NETO2: variants seen among roughly 807,000 people sequenced by gnomAD.
The protein encoded by NETO2 is neuropilin and tolloid like 2.
A neutral mutation model predicts 62.5 loss-of-function variants in NETO2; 28 were observed. The ratio of observed to expected loss-of-function variants is 0.45; its 90% CI spans 0.33 to 0.61. The LOEUF is 0.61. Ranked by LOEUF, NETO2 falls within the 20% of genes least tolerant of loss-of-function variation. The pLI is 0.02. For synonymous variants in NETO2, 214 were observed against 219.1 expected (o/e 0.98, Z 0.21); for missense variants, 548 against 643.2 (o/e 0.85, Z 1.60).
chr16:47,093,288 TAAC>T (rs556182300), intron 7 of NETO2, among the ~76,000 whole-genome samples: 1 of 152,184 alleles, frequency 6.6e-6, no homozygotes, highest in Non-Finnish European at 1.5e-5. Flanking sequence ...CTGTCTAAAA[TAAC>T]AGCCTCAATG....
rs192659719 is a variant in NETO2 at position 47,100,622 on chromosome 16, T to C, written c.883+8861A>G. 4.0e-4 allele frequency among the ~76,000 whole-genome samples: 61 copies of C among 152,188 alleles called. No homozygotes were observed. The East Asian group carries it at 0.01, about 26-fold the overall frequency. ...ACAATAAAAAATGATAAAGGAGATA[T>C]AATCACTGATCCCACAGAAATAGAA... On this transcript the variant is annotated intron_variant, in intron 7 of 8. Transcript: ENST00000562435.
intron 4 of NETO2, among the ~76,000 whole-genome samples, chr16:47,126,941 C>T (rs1964169542): frequency 6.6e-6 from 1 of 152,160 alleles, no homozygotes; most frequent in Non-Finnish European, 1.5e-5. Context: ...AGGCAAACAT[C>T]TGTTTTTCAG....
chr16:47,118,331 G>C (rs1489570770), intron 6 of NETO2, among the ~76,000 whole-genome samples: 3 of 152,118 alleles, frequency 2.0e-5, no homozygotes, highest in African/African-American at 7.2e-5. Flanking sequence ...CGTTTCCCTG[G>C]ATCTGTTCCA....
In NETO2 at chr16:47,083,612, G is replaced by A; in HGVS notation, c.1187C>T (p.Pro396Leu). Residue 396 changes from proline to leucine, a missense_variant, in exon 9 of 9, where the codon CCT (proline) becomes CTT (leucine). Transcript: ENST00000562435. ...KTGFQEVFDP[P>L]HYELFSLRDK... Reference sequence around the variant, plus strand: ...CCTTAGTGAAAACAGTTCATAATGAGGAGGATCAAACACTTCTTGGAACCC... The same window carrying A: ...CCTTAGTGAAAACAGTTCATAATGAAGAGGATCAAACACTTCTTGGAACCC... 6.2e-7 allele frequency: 1 copy of A among 1,614,190 alleles called. No homozygotes were observed. The highest frequency in any genetic ancestry group is 8.5e-7 in the Non-Finnish European group (1 of 1,180,040).
chr16:47,109,640 A>G lies in NETO2; in HGVS notation c.726T>C (p.Tyr242=). ...NECKRNFVAV[Y]DGSSSIENLK... ...GGTTTTCAATAGAACTGCTTCCATC[A>G]TAGACTGCAACGAAGTTTCTCTTGC... The change falls in exon 7 of 9, where the codon TAT becomes TAC. Residue 242 remains tyrosine, a synonymous_variant. Coordinates refer to ENST00000562435, the MANE Select transcript of NETO2 (RefSeq NM_018092.5). The G allele has an allele frequency of 6.2e-7, 1 of 1,614,166 alleles. No homozygotes were observed. Among genetic ancestry groups the G allele is most frequent in the Non-Finnish European group, 8.5e-7 (1 of 1,180,012 alleles).
chr16:47,112,530 T>C (rs1342020162), intron 6 of NETO2, among the ~76,000 whole-genome samples: 1 of 152,188 alleles, frequency 6.6e-6, no homozygotes, highest in Non-Finnish European at 1.5e-5. Flanking sequence ...GGCTAATTTT[T>C]TGTATTTTTA....
At chr16:47,121,409 A>G (rs1448578618) in intron 6 of NETO2, among the ~76,000 whole-genome samples, 1 of 152,206 alleles carries the variant, frequency 6.6e-6, no homozygotes, top group Non-Finnish European at 1.5e-5. Flanking sequence ...TAATGCACCC[A>G]GGACCATTCT....
intron 6 of NETO2, among the ~76,000 whole-genome samples, chr16:47,118,691 C>T (rs1360214125): frequency 6.6e-6 from 1 of 152,222 alleles, no homozygotes; most frequent in African/African-American, 2.4e-5. Flanking sequence ...GTGTACCCAG[C>T]TTCCAACTTC....
At chr16:47,110,315 C>T (rs1338074088) in intron 6 of NETO2, among the ~76,000 whole-genome samples, 1 of 152,286 alleles carries the variant, frequency 6.6e-6, no homozygotes, top group East Asian at 1.9e-4. Context: ...GTCAACTGTA[C>T]TATCAAAGGA....
At chr16:47,104,217 G>A (rs962472547) in intron 7 of NETO2, among the ~76,000 whole-genome samples, 8 of 151,742 alleles carry the variant, frequency 5.3e-5, no homozygotes, top group Admixed American at 1.3e-4. Context: ...ACACAAATCC[G>A]TTGCATTTCT....
intron 7 of NETO2, among the ~76,000 whole-genome samples, chr16:47,104,338 T>C (rs1439467699): frequency 6.6e-6 from 1 of 152,162 alleles, no homozygotes; most frequent in Non-Finnish European, 1.5e-5. Context: ...GGCAAAACAT[T>C]TGTATGCTGA....
intron 1 of NETO2, among the ~76,000 whole-genome samples, chr16:47,135,511 T>G (rs1964348620): frequency 6.6e-6 from 1 of 152,234 alleles, no homozygotes; most frequent in South Asian, 2.1e-4. Context: ...CCACCATTTA[T>G]GATGTTACTC....
intron 7 of NETO2, among the ~76,000 whole-genome samples, chr16:47,105,601 G>A (rs1963657499): frequency 6.6e-6 from 1 of 152,006 alleles, no homozygotes; most frequent in Non-Finnish European, 1.5e-5. Flanking sequence ...TACACAATAA[G>A]GGATTAATAT....
rs533508518 is a variant in NETO2 at position 47,077,727 on chromosome 16, G to C, written c.*5494C>G. ...GAGTATGACAAAGGTTGGAGGGTAA[G>C]AGAACTTTTAAATAACACTTGTTTC... is the stretch of plus-strand genomic sequence containing the variant. On this transcript the variant is annotated 3_prime_UTR_variant, in exon 9 of 9. Coordinates refer to ENST00000562435, the MANE Select transcript of NETO2 (RefSeq NM_018092.5). 2 of 152,366 alleles carry C rather than the reference G, an allele frequency of 1.3e-5. No individual in the cohort carries two copies. The highest frequency in any genetic ancestry group is 2.4e-5 in the African/African-American group (1 of 41,584). The allele number at this position is 152,366 out of a possible 1,614,324, so 9.4% of individuals were successfully genotyped here. A position where few individuals can be genotyped will look rare whatever the true frequency, so the allele number is the denominator to read the frequency against.
At chr16:47,128,300 A>G (rs1271117665) in intron 4 of NETO2, 25 bp downstream of exon 4, 1 of 1,603,324 alleles carries the variant, frequency 6.2e-7, no homozygotes, top group Non-Finnish European at 8.5e-7. Flanking sequence ...ATGCCCAACC[A>G]CTTAAAAGAT....
In NETO2 at chr16:47,083,565, G is replaced by C. The variant is rs375689329; in HGVS notation, c.1234C>G (p.Leu412Val). 5.9e-5 allele frequency: 95 copies of C among 1,614,084 alleles called. No homozygotes were observed. Among genetic ancestry groups the C allele is most frequent in the Non-Finnish European group, 8.0e-5 (94 of 1,180,046 alleles). Residue 412 changes from leucine to valine, a missense_variant, in exon 9 of 9, where the codon CTG (leucine) becomes GTG (valine). Leu to Val is a conservative substitution (Grantham distance 32). Transcript: ENST00000562435. ...TCCAATTCTTCCGACAAGTCTGCCAGGTCTGCAGAAATCTCTTTGTCCCTT... is the reference window on the plus strand; with the variant it reads ...TCCAATTCTTCCGACAAGTCTGCCACGTCTGCAGAAATCTCTTTGTCCCTT... ...SLRDKEISAD[L>V]ADLSEELDNY... is the part of the protein sequence containing the mutation.
intron 7 of NETO2, among the ~76,000 whole-genome samples, chr16:47,095,821 T>A (rs1449525573): frequency 1.3e-5 from 2 of 152,150 alleles, no homozygotes; most frequent in East Asian, 3.8e-4. Context: ...GGACCTAACA[T>A]ATACAGAAAA....
chr16:47,113,776 A>G (rs975013750), intron 6 of NETO2, among the ~76,000 whole-genome samples: 7 of 151,682 alleles, frequency 4.6e-5, no homozygotes, highest in Non-Finnish European at 8.8e-5. Flanking sequence ...TATTTTCAGT[A>G]GAGACAGGGT....
In NETO2 at chr16:47,081,462, T is replaced by A. The variant is rs1197748267; in HGVS notation, c.*1759A>T. The A allele has an allele frequency of 6.6e-6, 1 of 152,532 alleles. No individual in the cohort carries two copies. Among genetic ancestry groups the A allele is most frequent in the African/African-American group, 2.4e-5 (1 of 41,464 alleles). The allele number at this position is 152,532 out of a possible 1,614,324, so 9.4% of individuals were successfully genotyped here. On this transcript the variant is annotated 3_prime_UTR_variant, in exon 9 of 9. Coordinates refer to ENST00000562435, the MANE Select transcript of NETO2 (RefSeq NM_018092.5). ...ATTTAAATCATGAATACATTATGTA[T>A]AGGTTTTTCTGTCTCCTAAATATTA...
Sources: gnomAD v4.1 joint callset for allele counts (sites outside exome capture counted in the v4.1 genomes callset) on GRCh38, gnomAD v4.1.1 for gene constraint, MANE v1.5 for transcripts, NCBI Gene and HGNC (gene_info 2026-07-23, HGNC 2026-07-21) for gene names.